PFKP: variants seen among roughly 807,000 people sequenced by gnomAD.
PFKP encodes the protein phosphofructokinase, platelet.
PFKP carries 101 observed loss-of-function variants against 94.3 expected under a neutral mutation model. The ratio of observed to expected loss-of-function variants is 1.07; its 90% CI spans 0.91 to 1.26. The LOEUF is 1.26. Among genes scored for constraint, PFKP ranks in the 50% most tolerant of loss-of-function variants. The pLI, the probability that PFKP is intolerant of heterozygous loss-of-function variation, is 0.00. For synonymous variants in PFKP, 573 were observed against 432.6 expected (o/e 1.32, Z -4.03); for missense variants, 1,145 against 1,103.3 (o/e 1.04, Z -0.53).
intron 1 of PFKP, among the ~76,000 whole-genome samples, chr10:3,079,801 C>G (rs1832904488): frequency 6.6e-6 from 1 of 152,050 alleles, no homozygotes; most frequent in Non-Finnish European, 1.5e-5. Context: ...AGCGTAAGGT[C>G]CTGGAACCAG....
chr10:3,070,816 T>C (rs1236356261), intron 1 of PFKP, among the ~76,000 whole-genome samples: 1 of 152,154 alleles, frequency 6.6e-6, no homozygotes, highest in Non-Finnish European at 1.5e-5. Context: ...CACTGCAGCC[T>C]CAAACTCCTG....
chr10:3,077,308 C>T (rs1198319773), intron 1 of PFKP, among the ~76,000 whole-genome samples: 2 of 122,698 alleles, frequency 1.6e-5, no homozygotes, highest in Admixed American at 1.0e-4. Flanking sequence ...TGTCACCAGG[C>T]TGGAGTGTAG....
At chr10:3,099,728 C>G (rs1834794883) in intron 3 of PFKP, among the ~76,000 whole-genome samples, 2 of 152,256 alleles carry the variant, frequency 1.3e-5, no homozygotes, top group South Asian at 4.2e-4. Flanking sequence ...TGCAAAACAT[C>G]AGGAGAGTGT....
intron 2 of PFKP, among the ~76,000 whole-genome samples, chr10:3,092,308 G>T (rs527900448): frequency 6.6e-6 from 1 of 152,326 alleles, no homozygotes; most frequent in Non-Finnish European, 1.5e-5. Flanking sequence ...GAATTGATTG[G>T]CATCATGCTT....
intron 8 of PFKP, chr10:3,108,061 A>G: frequency 8.1e-7 from 1 of 1,237,562 alleles, no homozygotes; most frequent in African/African-American, 1.5e-5. Flanking sequence ...ACACCTGGGA[A>G]AGACATCTGC....
intron 4 of PFKP, among the ~76,000 whole-genome samples, chr10:3,102,855 C>T (rs534616803): frequency 6.6e-6 from 1 of 152,348 alleles, no homozygotes; most frequent in African/African-American, 2.4e-5. Flanking sequence ...GAGAAGGCTG[C>T]CCGTTGGAAG....
intron 8 of PFKP, 134 bp from the exon 9 acceptor site, chr10:3,108,567 T>C: frequency 1.5e-6 from 1 of 656,920 alleles, no homozygotes; most frequent in Non-Finnish European, 2.7e-6. Context: ...GGAAACAAAA[T>C]TTAGAAATAA....
intron 4 of PFKP, 76 bp from the exon 5 acceptor site, chr10:3,103,703 G>A (rs1835243426): frequency 6.8e-6 from 10 of 1,460,526 alleles, no homozygotes; most frequent in East Asian, 4.6e-5. Context: ...TGGCCATTCT[G>A]CCTCACCCCT....
At position 3,134,506 on chromosome 10, in the gene PFKP, T is replaced by C. The variant is rs1478562963; in HGVS notation, c.2046T>C (p.Asp682=). The C allele has an allele frequency of 3.4e-5, 55 of 1,613,488 alleles. No individual in the cohort carries two copies. Among genetic ancestry groups the C allele is most frequent in the Non-Finnish European group, 4.2e-5 (49 of 1,179,530 alleles). The part of the protein sequence containing the change: ...MQQGGAPSPF[D]RNFGTKISAR... ...AGGGTGGGGCACCCTCTCCATTTGA[T>C]AGAAACTTTGGAACCAAAATCTCTG... Residue 682 remains aspartate, a synonymous_variant, in exon 20 of 22, where the codon GAT becomes GAC. Transcript: ENST00000381125.
intron 2 of PFKP, among the ~76,000 whole-genome samples, chr10:3,095,266 A>AC (rs139046692): frequency 5.9e-5 from 9 of 152,112 alleles, no homozygotes; most frequent in South Asian, 2.1e-4. Context: ...TAGGTGAACT[A>AC]GCTTACTCCA....
intron 15 of PFKP, among the ~76,000 whole-genome samples, chr10:3,119,616 A>T (rs1166940749): frequency 6.6e-6 from 1 of 152,090 alleles, no homozygotes; most frequent in Non-Finnish European, 1.5e-5. Context: ...AAAAACAAAA[A>T]CAAAAACAAA....
intron 16 of PFKP, among the ~76,000 whole-genome samples, chr10:3,122,469 G>A (rs921045746): frequency 2.6e-5 from 4 of 152,200 alleles, no homozygotes; most frequent in Non-Finnish European, 5.9e-5. Context: ...ACTGACGGCC[G>A]AACAGTGTGA....
At chr10:3,132,303 C>G in intron 17 of PFKP, 77 bp from the exon 18 acceptor site, 1 of 1,072,752 alleles carries the variant, frequency 9.3e-7, no homozygotes, top group Non-Finnish European at 1.4e-6. Flanking sequence ...GTTGGCACTT[C>G]CCAGCCTGCA....
intron 2 of PFKP, among the ~76,000 whole-genome samples, chr10:3,093,381 C>G (rs1834209843): frequency 6.6e-6 from 1 of 152,208 alleles, no homozygotes; most frequent in African/African-American, 2.4e-5. Context: ...CACTCCACTT[C>G]TGTCTAAAAA....
intron 15 of PFKP, 121 bp from the exon 16 acceptor site, chr10:3,119,768 TTTC>T: frequency 1.7e-6 from 1 of 571,528 alleles, no homozygotes; most frequent in South Asian, 2.4e-5. Flanking sequence ...CTCGGAGTGT[TTTC>T]GTGATGCCCC....
chr10:3,117,354 TG>T (rs1256082918), intron 14 of PFKP, among the ~76,000 whole-genome samples: 2 of 152,228 alleles, frequency 1.3e-5, no homozygotes, highest in Non-Finnish European at 2.9e-5. Flanking sequence ...CCTGCATCCC[TG>T]GGGACAATGG....
Position 3,136,685 on chromosome 10 carries a change from T to A in PFKP, c.*106T>A. On this transcript the variant is annotated 3_prime_UTR_variant, in exon 22 of 22. Coordinates refer to ENST00000381125, the MANE Select transcript of PFKP (RefSeq NM_002627.5). Reference sequence around the variant, plus strand: ...TGCACGTATTATTGACATTAATACCTAATCGGCGAGTGCCCATCTGCCCCA... The same window carrying A: ...TGCACGTATTATTGACATTAATACCAAATCGGCGAGTGCCCATCTGCCCCA... 1 of 1,277,322 alleles carries A rather than the reference T, an allele frequency of 7.8e-7. No individual in the cohort carries two copies. The highest frequency in any genetic ancestry group is 2.1e-5 in the Admixed American group (1 of 47,932). 79.1% of individuals were successfully genotyped at this position (1,277,322 alleles called of 1,614,324 possible). A position where few individuals can be genotyped will look rare whatever the true frequency, so the allele number is the denominator to read the frequency against.
chr10:3,122,925 G>C (rs1837572020), intron 16 of PFKP, among the ~76,000 whole-genome samples: 1 of 152,184 alleles, frequency 6.6e-6, no homozygotes, highest in Middle Eastern at 3.2e-3. Flanking sequence ...CAGAGCACAG[G>C]GTGGGCTCCA....
intron 2 of PFKP, among the ~76,000 whole-genome samples, chr10:3,092,012 A>T (rs1282785352): frequency 6.6e-6 from 1 of 152,150 alleles, no homozygotes; most frequent in African/African-American, 2.4e-5. Context: ...TGTTGAAAGG[A>T]TAAAGGGTGT....
Sources: allele counts gnomAD v4.1 joint callset (sites outside exome capture counted in the v4.1 genomes callset), GRCh38; gene constraint gnomAD v4.1.1; transcripts MANE v1.5; gene names NCBI Gene and HGNC (gene_info 2026-07-23, HGNC 2026-07-21).